DIPK1A: variants seen among roughly 807,000 people sequenced by gnomAD.
DIPK1A encodes divergent protein kinase domain 1A.
A neutral mutation model predicts 40.8 loss-of-function variants in DIPK1A; 27 were observed. The ratio of observed to expected loss-of-function variants is 0.66; its 90% CI spans 0.49 to 0.91. DIPK1A has a LOEUF of 0.91. Ranked by LOEUF, DIPK1A falls within the 40% of genes least tolerant of loss-of-function variation. The probability of loss-of-function intolerance (pLI) is 0.00; values close to 1 mark genes in which losing one functional copy is unlikely to be tolerated. For synonymous variants in DIPK1A, 166 were observed against 171.3 expected (o/e 0.97, Z 0.24); for missense variants, 412 against 505.7 (o/e 0.81, Z 1.78).
downstream of DIPK1A, chr1:92,841,683 A>T: frequency 1.2e-6 from 1 of 853,318 alleles, no homozygotes; most frequent in East Asian, 3.2e-5. Context: ...CTCTATCAAA[A>T]TTAAATTTTA....
intron 1 of DIPK1A, among the ~76,000 whole-genome samples, chr1:92,928,539 T>C (rs1271426688): frequency 6.6e-6 from 1 of 152,248 alleles, no homozygotes; most frequent in Non-Finnish European, 1.5e-5. Context: ...TTTCTAGTAT[T>C]AGTTCTTTAG....
At chr1:92,860,401 G>T (rs1647206262) in intron 2 of DIPK1A, among the ~76,000 whole-genome samples, 1 of 152,046 alleles carries the variant, frequency 6.6e-6, no homozygotes, top group Non-Finnish European at 1.5e-5. Flanking sequence ...CTAGTGGCCT[G>T]ATGCTAATTA....
At chr1:92,920,013 C>A (rs1650210247) in intron 1 of DIPK1A, among the ~76,000 whole-genome samples, 1 of 152,156 alleles carries the variant, frequency 6.6e-6, no homozygotes, top group Admixed American at 6.5e-5. Flanking sequence ...CCTATAGAAC[C>A]TACTAACTGA....
chr1:92,953,728 C>T (rs140249129), intron 1 of DIPK1A, among the ~76,000 whole-genome samples: 8 of 152,174 alleles, frequency 5.3e-5, no homozygotes, highest in Non-Finnish European at 1.2e-4. Flanking sequence ...TCACCAAGGG[C>T]CAGGGGCAGG....
At chr1:92,841,880 T>C, downstream of DIPK1A, 8 of 1,595,802 alleles carry the variant, frequency 5.0e-6, no homozygotes, top group Non-Finnish European at 6.9e-6. Flanking sequence ...AGCAATTTTC[T>C]ATGATTTTTT....
intron 1 of DIPK1A, among the ~76,000 whole-genome samples, chr1:92,889,930 G>C (rs575722922): frequency 1.3e-5 from 2 of 152,104 alleles, no homozygotes; most frequent in African/African-American, 4.8e-5. Context: ...GATTACAGGC[G>C]TGAGCCACCA....
chr1:92,901,812 A>G (rs945179440), intron 1 of DIPK1A, among the ~76,000 whole-genome samples: 1 of 151,986 alleles, frequency 6.6e-6, no homozygotes, highest in African/African-American at 2.4e-5. Context: ...CCCCAAGGAG[A>G]GGGGTGTCAG....
intron 1 of DIPK1A, among the ~76,000 whole-genome samples, chr1:92,916,323 C>T (rs1451405444): frequency 3.5e-4 from 47 of 135,114 alleles, no homozygotes; most frequent in African/African-American, 9.0e-4. Context: ...TTTTTTGAGA[C>T]GGAGTTTCGC....
rs1553123037 is a variant in DIPK1A, at chr1:92,842,550, C to CTGTT, written c.*829_*832dup. Reference sequence around the variant, plus strand: ...ATAGCCCTTTGGCCCACAGGATATACTGTTTGAAAATGGAAAGTTATTACT... The same window carrying CTGTT: ...ATAGCCCTTTGGCCCACAGGATATACTGTTTGTTTGAAAATGGAAAGTTATTACT... On this transcript the variant is annotated 3_prime_UTR_variant, in exon 5 of 5. Coordinates refer to ENST00000370310, the MANE Select transcript of DIPK1A (RefSeq NM_001006605.5). 2 of 984,818 alleles carry CTGTT rather than the reference C, an allele frequency of 2.0e-6. No individual in the cohort carries two copies. The highest frequency in any genetic ancestry group is 1.1e-4 in the East Asian group (1 of 8,818). 61.0% of individuals were successfully genotyped at this position (984,818 alleles called of 1,614,324 possible).
At chr1:92,899,224 C>T (rs1280545732) in intron 1 of DIPK1A, among the ~76,000 whole-genome samples, 3 of 152,160 alleles carry the variant, frequency 2.0e-5, no homozygotes, top group Non-Finnish European at 4.4e-5. Flanking sequence ...TATCTGAGTA[C>T]TACAGTGTTG....
chr1:92,873,631 A>T (rs1383510331), intron 2 of DIPK1A, among the ~76,000 whole-genome samples: 1 of 151,970 alleles, frequency 6.6e-6, no homozygotes, highest in African/African-American at 2.4e-5. Flanking sequence ...AAAAAAAAAA[A>T]ATCTTATCCT....
chr1:92,834,112 G>A (rs1687023422), intron 4 of DIPK1A, among the ~76,000 whole-genome samples: 1 of 152,142 alleles, frequency 6.6e-6, no homozygotes, highest in Admixed American at 6.5e-5. Context: ...TATGTGTGTG[G>A]GGTGGGGAGA....
downstream of DIPK1A, chr1:92,841,928 C>T (rs1036236906): frequency 3.1e-6 from 4 of 1,279,648 alleles, no homozygotes; most frequent in African/African-American, 5.9e-5. Context: ...GCAACTATTT[C>T]TGTGTTAAGC....
intron 1 of DIPK1A, among the ~76,000 whole-genome samples, chr1:92,916,138 T>C (rs1404943156): frequency 2.6e-5 from 4 of 152,084 alleles, no homozygotes; most frequent in Admixed American, 6.5e-5. Context: ...TGATTGCTAA[T>C]GGGTATTTTA....
chr1:92,914,120 T>C (rs973453196), intron 1 of DIPK1A, among the ~76,000 whole-genome samples: 1 of 151,478 alleles, frequency 6.6e-6, no homozygotes, highest in African/African-American at 2.4e-5. Context: ...ACTAAGGGTA[T>C]AGAAAAAGTT....
At chr1:92,870,075 T>C (rs7513924) in intron 2 of DIPK1A, among the ~76,000 whole-genome samples, 25,548 of 66,450 alleles carry the variant, frequency 0.38, 2,653 homozygotes, top group East Asian at 0.6. Context: ...GAATTATATA[T>C]ACACACACAC....
chr1:92,856,355 G>A (rs1421929308), intron 2 of DIPK1A, among the ~76,000 whole-genome samples: 1 of 150,972 alleles, frequency 6.6e-6, no homozygotes, highest in Non-Finnish European at 1.5e-5. Flanking sequence ...AACCAAAAAT[G>A]TTTCCTTCCA....
intron 2 of DIPK1A, among the ~76,000 whole-genome samples, chr1:92,861,112 G>A (rs1047946435): frequency 2.0e-5 from 3 of 151,886 alleles, no homozygotes; most frequent in Admixed American, 6.6e-5. Context: ...AAATGACAAC[G>A]TATATCCTTG....
At chr1:92,922,800 G>A (rs1571127157) in intron 1 of DIPK1A, among the ~76,000 whole-genome samples, 1 of 152,188 alleles carries the variant, frequency 6.6e-6, no homozygotes, top group Non-Finnish European at 1.5e-5. Flanking sequence ...GAAACAAAAT[G>A]CAGCCAGTAC....
Sources: allele counts gnomAD v4.1 joint callset (sites outside exome capture counted in the v4.1 genomes callset), GRCh38; gene constraint gnomAD v4.1.1; transcripts MANE v1.5; gene names NCBI Gene and HGNC (gene_info 2026-07-23, HGNC 2026-07-21).